The following ESAM variants were observed in gnomAD, a reference collection of about 807,000 sequenced individuals.
ESAM encodes the protein endothelial cell adhesion molecule.
ESAM carries 23 observed loss-of-function variants against 31.8 expected under a neutral mutation model. That is an observed-to-expected ratio of 0.72 (90% CI 0.52 to 1.03). The LOEUF is 1.03. ESAM is among the 50% of genes least tolerant of loss of function. ESAM has a pLI of 0.00. For synonymous variants in ESAM, 216 were observed against 207.2 expected (o/e 1.04, Z -0.37); for missense variants, 478 against 488.9 (o/e 0.98, Z 0.21).
chr11:124,756,619 T>A lies in ESAM; in HGVS notation c.373A>T (p.Ser125Cys). 6.2e-7 allele frequency: 1 copy of A among 1,614,160 alleles called. No homozygotes were observed. The highest frequency in any genetic ancestry group is 8.5e-7 in the Non-Finnish European group (1 of 1,180,028). Reference sequence around the variant, plus strand: ...TTGTCTTGCACATTCACGGAGCAGCTGTAGGGGCCAGAGTCTTTCTCCTGG... The same window carrying A: ...TTGTCTTGCACATTCACGGAGCAGCAGTAGGGGCCAGAGTCTTTCTCCTGG... Reference protein sequence around the residue: ...GLQEKDSGPYSCSVNVQDKQG... With the variant: ...GLQEKDSGPYCCSVNVQDKQG... The change falls in exon 3 of 7, where the codon AGC becomes TGC. Residue 125 changes from serine to cysteine, a missense_variant. Ser to Cys is a moderately radical substitution (Grantham distance 112). Transcript: ENST00000278927.
Position 124,754,229 on chromosome 11 carries a change from G to T in ESAM, c.842C>A (p.Pro281Gln). 6.2e-7 allele frequency: 1 copy of T among 1,613,964 alleles called. No homozygotes were observed. The highest frequency in any genetic ancestry group is 8.5e-7 in the Non-Finnish European group (1 of 1,179,932). ...GGACACTTACTTGATATCATTGGCT[G>T]GCTCCTCCAGGGCCTTGCCCCGGCG... ...YHRRGKALEE[P>Q]ANDIKEDAIA... Residue 281 changes from proline (P) to glutamine (Q), a missense_variant, in exon 6 of 7, where the codon CCA becomes CAA. Transcript: ENST00000278927. This position sits in a 1 kb window ranked among gnomAD's most constrained non-coding sequence, Gnocchi z 4.5.
intron 4 of ESAM, among the ~76,000 whole-genome samples, chr11:124,755,134 CTT>C (rs1418399630): frequency 1.3e-5 from 2 of 152,162 alleles, no homozygotes; most frequent in African/African-American, 4.8e-5. Flanking sequence ...ATGTGACTGA[CTT>C]TAAGCAAGTT....
rs776134158 is a variant in ESAM at position 124,753,690 on chromosome 11, G to A, written c.1129C>T (p.Pro377Ser). The A allele has an allele frequency of 1.1e-5, 17 of 1,613,846 alleles. No homozygotes were observed. In the South Asian group the frequency reaches 1.8e-4, roughly 17 times the overall value. Reference sequence around the variant, plus strand: ...TGACTCTGGGCAGGCACCATCACAGGCACAGCACCCATGCGGCTCAAGCCA... The same window carrying A: ...TGACTCTGGGCAGGCACCATCACAGACACAGCACCCATGCGGCTCAAGCCA... ...SSGLSRMGAV[P>S]VMVPAQSQAG... The change falls in exon 7 of 7, where the codon CCT becomes TCT. Residue 377 changes from proline (P) to serine (S), a missense_variant. By Grantham distance (74) the Pro-to-Ser change is moderately conservative. Transcript: ENST00000278927.
rs1487189077 is a variant in ESAM at position 124,756,204 on chromosome 11, C to T, written c.607+3G>A. On this transcript the variant is annotated splice_donor_region_variant and intron_variant, in intron 4 of 6. Coordinates refer to ENST00000278927, the MANE Select transcript of ESAM (RefSeq NM_138961.3). ...TGTCCACTGTTTCCAGTAGTGTCCTCACCTAATGCTGGTGCAAAGAAAGTC... is the reference window on the plus strand; with the variant it reads ...TGTCCACTGTTTCCAGTAGTGTCCTTACCTAATGCTGGTGCAAAGAAAGTC... 6.2e-6 allele frequency: 10 copies of T among 1,613,448 alleles called. No individual in the cohort carries two copies. The highest frequency in any genetic ancestry group is 8.5e-6 in the Non-Finnish European group (10 of 1,179,994).
At position 124,754,865 on chromosome 11, in the gene ESAM, A is replaced by T; in HGVS notation, c.608-102T>A. 6.9e-7 allele frequency: 1 copy of T among 1,453,520 alleles called. No homozygotes were observed. 90.0% of individuals were successfully genotyped at this position (1,453,520 alleles called of 1,614,324 possible). A position where few individuals can be genotyped will look rare whatever the true frequency, so the allele number is the denominator to read the frequency against. On this transcript the variant is annotated intron_variant, in intron 4 of 6. Coordinates refer to ENST00000278927, the MANE Select transcript of ESAM (RefSeq NM_138961.3). The surrounding 1 kb of genome is among the most constrained non-coding windows in gnomAD (Gnocchi z 4.5). ...GGAATGTCCCCTTTGACCCTCTGGG[A>T]GTCACGGCTTGTCTATTCCCTGATG...
chr11:124,755,838 AT>A lies in ESAM; in HGVS notation c.607+368del, dbSNP rs369368399. Among the ~76,000 whole-genome samples, 605 of 151,988 alleles carry A rather than the reference AT, an allele frequency of 4.0e-3. 2 individuals carry two copies. The highest frequency in any genetic ancestry group is 0.016 in the East Asian group (84 of 5,182). On this transcript the variant is annotated intron_variant, in intron 4 of 6. Transcript: ENST00000278927. ...TAAAAATGTTTCAGTTATCCCTAAA[AT>A]TTTTTTTTATAACTGGTGTGTTCAA... is the stretch of plus-strand genomic sequence containing the variant.
Position 124,762,264 on chromosome 11 carries a change from C to T in ESAM, c.-110G>A, listed in dbSNP as rs1181251678. 2.6e-5 allele frequency: 22 copies of T among 834,018 alleles called. No individual in the cohort carries two copies. In the South Asian group the frequency reaches 4.2e-4, roughly 16 times the overall value. The allele number at this position is 834,018 out of a possible 1,614,324, so 51.7% of individuals were successfully genotyped here. On this transcript the variant is annotated 5_prime_UTR_variant, in exon 1 of 7. Transcript: ENST00000278927. This position sits in a 1 kb window ranked among gnomAD's most constrained non-coding sequence, Gnocchi z 6.4. ...GCGTGCGCGGGAGCCGAGCCGCTGA[C>T]ACCCAGGGCGGCTCCAGCCCAAGTC...
chr11:124,753,897 C>G lies in ESAM; in HGVS notation c.922G>C (p.Gly308Arg), dbSNP rs140234167. The change falls in exon 7 of 7, where the codon GGG (glycine) becomes CGG (arginine). Residue 308 changes from glycine to arginine, a missense_variant. Gly to Arg is a moderately radical substitution (Grantham distance 125). Coordinates refer to ENST00000278927, the MANE Select transcript of ESAM (RefSeq NM_138961.3). Reference protein sequence around the residue: ...PKSSDTISKNGTLSSVTSARA... With the variant: ...PKSSDTISKNRTLSSVTSARA... ...GCGGAGGTGACAGAGGAAAGGGTCC[C>G]ATTCTTGGAGATTGTGTCTGAGCTC... 3 of 1,613,962 alleles carry G rather than the reference C, an allele frequency of 1.9e-6. No homozygotes were observed. Among genetic ancestry groups the G allele is most frequent in the African/African-American group, 2.7e-5 (2 of 74,920 alleles).
In ESAM at chr11:124,754,253, C is replaced by T. The variant is rs548139791; in HGVS notation, c.818G>A (p.Arg273His). The change falls in exon 6 of 7, where the codon CGC becomes CAC. Residue 273 changes from arginine to histidine, a missense_variant. Arg to His is a conservative substitution (Grantham distance 29, BLOSUM62 0). Coordinates refer to ENST00000278927, the MANE Select transcript of ESAM (RefSeq NM_138961.3). This position sits in a 1 kb window ranked among gnomAD's most constrained non-coding sequence, Gnocchi z 4.5. ...LLAGLVLLYH[R>H]RGKALEEPAN... Reference sequence around the variant, plus strand: ...TGGCTCCTCCAGGGCCTTGCCCCGGCGGTGGTACAAGAGGACCAGCCCAGC... The same window carrying T: ...TGGCTCCTCCAGGGCCTTGCCCCGGTGGTGGTACAAGAGGACCAGCCCAGC... 7.4e-6 allele frequency: 12 copies of T among 1,613,876 alleles called. No individual in the cohort carries two copies. The highest frequency in any genetic ancestry group is 3.3e-4 in the Middle Eastern group (2 of 6,084).
rs2076991 is a variant in ESAM, at chr11:124,754,187, G to A, written c.857+27C>T. ...TGTGAGGAGAGCTGGGAGAGCCCCC[G>A]CTGCAGCAGACACCAGGGACACTTA... On this transcript the variant is annotated intron_variant, in intron 6 of 6. Coordinates refer to ENST00000278927, the MANE Select transcript of ESAM (RefSeq NM_138961.3). The surrounding 1 kb of genome is among the most constrained non-coding windows in gnomAD (Gnocchi z 4.5). 246,064 of 1,608,156 alleles carry A rather than the reference G, an allele frequency of 0.15. 24,789 individuals carry two copies. The highest frequency in any genetic ancestry group is 0.52 in the African/African-American group (38,705 of 74,752).
chr11:124,760,868 A>G (rs12281054), intron 1 of ESAM, among the ~76,000 whole-genome samples: 3,087 of 152,250 alleles, frequency 0.02, 92 homozygotes, highest in African/African-American at 0.067. Context: ...AACAGAGCTG[A>G]AGTTGAAGTT....
In ESAM at chr11:124,754,536, G is replaced by A. The variant is rs1392588853; in HGVS notation, c.730+105C>T. The stretch of plus-strand genomic sequence containing the variant: ...CAAACATTTGATCAGGGGAAGCTCC[G>A]TGCCCTGCTACAGAGACAGGCCTCA... On this transcript the variant is annotated intron_variant, in intron 5 of 6. Coordinates refer to ENST00000278927, the MANE Select transcript of ESAM (RefSeq NM_138961.3). The surrounding 1 kb of genome is among the most constrained non-coding windows in gnomAD (Gnocchi z 4.5). 33 of 1,524,856 alleles carry A rather than the reference G, an allele frequency of 2.2e-5. No homozygotes were observed. The highest frequency in any genetic ancestry group is 2.7e-5 in the Non-Finnish European group (31 of 1,133,096). The allele number at this position is 1,524,856 out of a possible 1,614,324, so 94.5% of individuals were successfully genotyped here.
rs1037495567 is a variant in ESAM, at chr11:124,759,874, G to T, written c.71-1347C>A. 5.3e-5 allele frequency among the ~76,000 whole-genome samples: 8 copies of T among 152,234 alleles called. No individual in the cohort carries two copies. The highest frequency in any genetic ancestry group is 1.0e-4 in the Non-Finnish European group (7 of 68,034). On this transcript the variant is annotated intron_variant, in intron 1 of 6. Transcript: ENST00000278927. The surrounding 1 kb of genome is among the most constrained non-coding windows in gnomAD (Gnocchi z 6.8). Reference sequence around the variant, plus strand: ...CAATCCCCGCCTCAAGGAGCTGGACGCCCCCTGGGGACCCGGCCCGCTGGC... The same window carrying T: ...CAATCCCCGCCTCAAGGAGCTGGACTCCCCCTGGGGACCCGGCCCGCTGGC...
rs1944130663 is a variant in ESAM, at chr11:124,754,415, C to T, written c.731-75G>A. Reference sequence around the variant, plus strand: ...CCCCTCTCCAATCCCACTCTCCCCACCCCATCTGCCACCATACACATTCCC... The same window carrying T: ...CCCCTCTCCAATCCCACTCTCCCCATCCCATCTGCCACCATACACATTCCC... On this transcript the variant is annotated intron_variant, in intron 5 of 6. Transcript: ENST00000278927. The surrounding 1 kb of genome is among the most constrained non-coding windows in gnomAD (Gnocchi z 4.5). 6.4e-7 allele frequency: 1 copy of T among 1,563,150 alleles called. No homozygotes were observed. Among genetic ancestry groups the T allele is most frequent in the East Asian group, 2.3e-5 (1 of 44,280 alleles).
Position 124,754,274 on chromosome 11 carries a change from C to G in ESAM, c.797G>C (p.Gly266Ala), listed in dbSNP as rs764306357. The change falls in exon 6 of 7, where the codon GGG becomes GCG. Residue 266 changes from glycine (G) to alanine (A), a missense_variant. Transcript: ENST00000278927. This position sits in a 1 kb window ranked among gnomAD's most constrained non-coding sequence, Gnocchi z 4.5. ...GTLVGLGLLA[G>A]LVLLYHRRGK... ...CCGGCGGTGGTACAAGAGGACCAGCCCAGCCAGCAACCCCAGTCCAACCAG... is the reference window on the plus strand; with the variant it reads ...CCGGCGGTGGTACAAGAGGACCAGCGCAGCCAGCAACCCCAGTCCAACCAG... 1 of 1,614,002 alleles carries G rather than the reference C, an allele frequency of 6.2e-7. No individual in the cohort carries two copies. Among genetic ancestry groups the G allele is most frequent in the Non-Finnish European group, 8.5e-7 (1 of 1,179,972 alleles).
Position 124,756,209 on chromosome 11 carries a change from A to G in ESAM, c.605T>C (p.Leu202Ser), listed in dbSNP as rs1944151608. The G allele has an allele frequency of 8.7e-6, 14 of 1,613,608 alleles. No homozygotes were observed. The highest frequency in any genetic ancestry group is 1.2e-5 in the Non-Finnish European group (14 of 1,180,006). The change falls in exon 4 of 7, where the codon TTA becomes TCA. Residue 202 changes from leucine (L) to serine (S), a missense_variant and splice_region_variant. By Grantham distance (145) the Leu-to-Ser change is moderately radical (BLOSUM62 -2). Transcript: ENST00000278927. ...PSFQTFFAPA[L>S]DVIRGSLSLT... ...ACTGTTTCCAGTAGTGTCCTCACCT[A>G]ATGCTGGTGCAAAGAAAGTCTGGAA...
In ESAM at chr11:124,756,279, T is replaced by A; in HGVS notation, c.535A>T (p.Ser179Cys). ...NVTLSCQSPR[S>C]KPAVQYQWDR... Reference sequence around the variant, plus strand: ...CACTGGTATTGGACAGCGGGCTTACTCCTTGGAGACTGGCAGCTCAGGGTC... The same window carrying A: ...CACTGGTATTGGACAGCGGGCTTACACCTTGGAGACTGGCAGCTCAGGGTC... Residue 179 changes from serine (S) to cysteine (C), a missense_variant, in exon 4 of 7, where the codon AGT becomes TGT. Coordinates refer to ENST00000278927, the MANE Select transcript of ESAM (RefSeq NM_138961.3). 1 of 1,614,118 alleles carries A rather than the reference T, an allele frequency of 6.2e-7. No homozygotes were observed. The highest frequency in any genetic ancestry group is 1.1e-5 in the South Asian group (1 of 91,034).
At chr11:124,758,204 C>T (rs1449751300) in intron 2 of ESAM, 145 bp downstream of exon 2, 8 of 890,846 alleles carry the variant, frequency 9.0e-6, no homozygotes, top group Non-Finnish European at 1.2e-5. Context: ...AGAACAAAAA[C>T]TGAACTGGTG....
intron 4 of ESAM, 116 bp downstream of exon 4, chr11:124,756,091 T>A: frequency 7.1e-7 from 1 of 1,415,228 alleles, no homozygotes; most frequent in Non-Finnish European, 9.7e-7. Context: ...CACATCCTCC[T>A]CCTCCTCCCC....
Sources: gnomAD v4.1 joint callset for allele counts (sites outside exome capture counted in the v4.1 genomes callset) on GRCh38, gnomAD v4.1.1 for gene constraint, Gnocchi (gnomAD v3.1) non-coding constraint, MANE v1.5 for transcripts, NCBI Gene and HGNC (gene_info 2026-07-23, HGNC 2026-07-21) for gene names.